SAV1: variants seen among roughly 807,000 people sequenced by gnomAD.
SAV1 encodes the protein protein salvador homolog 1.
A neutral mutation model predicts 47.3 loss-of-function variants in SAV1; 23 were observed. The ratio of observed to expected loss-of-function variants is 0.49; its 90% CI spans 0.35 to 0.69. SAV1 has a LOEUF of 0.69. Among genes scored for constraint, SAV1 ranks in the 30% least tolerant of loss-of-function variants. SAV1 has a pLI of 0.01. For synonymous variants in SAV1, 155 were observed against 159.2 expected (o/e 0.97, Z 0.20); for missense variants, 448 against 457.4 (o/e 0.98, Z 0.19).
At chr14:50,639,255 G>A (rs1467982842) in intron 4 of SAV1, among the ~76,000 whole-genome samples, 2 of 150,384 alleles carry the variant, frequency 1.3e-5, no homozygotes, top group Non-Finnish European at 2.9e-5. Context: ...TGAGAGATAG[G>A]ATTAAAGAAT....
chr14:50,665,313 T>A lies in SAV1; in HGVS notation c.401A>T (p.Tyr134Phe). Reference protein sequence around the residue: ...VENGDSGSRYYYSDNFFDGQR... With the variant: ...VENGDSGSRYFYSDNFFDGQR... ...ACCATCAAAAAAATTGTCTGAATAATAATATCGGGAACCAGAGTCTCCATT... is the reference window on the plus strand; with the variant it reads ...ACCATCAAAAAAATTGTCTGAATAAAAATATCGGGAACCAGAGTCTCCATT... Residue 134 changes from tyrosine (Y) to phenylalanine (F), a missense_variant, in exon 2 of 5, where the codon TAT becomes TTT. Physicochemically the swap from Tyr to Phe is conservative, Grantham distance 22. Coordinates refer to ENST00000324679, the MANE Select transcript of SAV1 (RefSeq NM_021818.4). 1 of 1,613,852 alleles carries A rather than the reference T, an allele frequency of 6.2e-7. No individual in the cohort carries two copies. The highest frequency in any genetic ancestry group is 8.5e-7 in the Non-Finnish European group (1 of 1,179,800).
intron 2 of SAV1, among the ~76,000 whole-genome samples, chr14:50,659,595 T>C (rs529407797): frequency 1.8e-4 from 28 of 152,352 alleles, no homozygotes; most frequent in African/African-American, 6.5e-4. Context: ...ATGCCTGTAA[T>C]CCCAGCACTT....
At chr14:50,650,321 A>C (rs954917311) in intron 2 of SAV1, among the ~76,000 whole-genome samples, 5 of 152,246 alleles carry the variant, frequency 3.3e-5, no homozygotes, top group African/African-American at 9.6e-5. Context: ...ACAGAGTACT[A>C]TATTATATAG....
chr14:50,665,298 A>G lies in SAV1; in HGVS notation c.416T>C (p.Phe139Ser), dbSNP rs1210928988. The change falls in exon 2 of 5, where the codon TTT becomes TCT. Residue 139 changes from phenylalanine (F) to serine (S), a missense_variant. Coordinates refer to ENST00000324679, the MANE Select transcript of SAV1 (RefSeq NM_021818.4). ...TGGCCGCTTTCTCTGACCATCAAAA[A>G]AATTGTCTGAATAATAATATCGGGA... is the stretch of plus-strand genomic sequence containing the variant. ...SGSRYYYSDN[F>S]FDGQRKRPLG... 1 of 1,613,898 alleles carries G rather than the reference A, an allele frequency of 6.2e-7. No individual in the cohort carries two copies. Among genetic ancestry groups the G allele is most frequent in the Non-Finnish European group, 8.5e-7 (1 of 1,179,812 alleles).
intron 2 of SAV1, among the ~76,000 whole-genome samples, chr14:50,648,686 G>C (rs2039742721): frequency 6.6e-6 from 1 of 152,098 alleles, no homozygotes; most frequent in Admixed American, 6.5e-5. Flanking sequence ...GCTGAGACAG[G>C]AGAATGGCGT....
Position 50,654,961 on chromosome 14 carries a change from AC to A in SAV1, c.536-9948del, listed in dbSNP as rs2039800161. ...AAACAGATGCAAGAACAAGTAGATC[AC>A]CCTTGTTCGGTACCCTTTCAAAAGA... On this transcript the variant is annotated intron_variant, in intron 2 of 4. Coordinates refer to ENST00000324679, the MANE Select transcript of SAV1 (RefSeq NM_021818.4). Among the ~76,000 whole-genome samples, 3 of 151,784 alleles carry A rather than the reference AC, an allele frequency of 2.0e-5. No individual in the cohort carries two copies. The Admixed American group carries it at 2.0e-4, about 10-fold the overall frequency.
chr14:50,655,326 G>A (rs1434428680), intron 2 of SAV1, among the ~76,000 whole-genome samples: 1 of 151,820 alleles, frequency 6.6e-6, no homozygotes, highest in African/African-American at 2.4e-5. Flanking sequence ...ATTTATATGA[G>A]TTACTTATAA....
intron 2 of SAV1, among the ~76,000 whole-genome samples, chr14:50,661,421 T>C (rs2039859141): frequency 6.6e-6 from 1 of 152,270 alleles, no homozygotes; most frequent in Non-Finnish European, 1.5e-5. Flanking sequence ...TGTTGTTTCC[T>C]TTACTGTGCA....
intron 2 of SAV1, among the ~76,000 whole-genome samples, chr14:50,650,638 T>C (rs1463745655): frequency 6.6e-6 from 1 of 152,184 alleles, no homozygotes; most frequent in African/African-American, 2.4e-5. Flanking sequence ...GGAAACCAGA[T>C]ACCATATCAT....
At chr14:50,648,335 G>A (rs1298801242) in intron 2 of SAV1, among the ~76,000 whole-genome samples, 3 of 152,184 alleles carry the variant, frequency 2.0e-5, no homozygotes, top group Non-Finnish European at 1.5e-5. Context: ...ATTTTAGAGG[G>A]TGTTTGAAAT....
At chr14:50,657,007 A>C (rs1646381749) in intron 2 of SAV1, among the ~76,000 whole-genome samples, 1 of 150,554 alleles carries the variant, frequency 6.6e-6, no homozygotes, top group South Asian at 2.1e-4. Flanking sequence ...GGAAAAGCAC[A>C]GAACACAAAA....
chr14:50,649,447 T>C (rs779534577), intron 2 of SAV1, among the ~76,000 whole-genome samples: 3 of 152,162 alleles, frequency 2.0e-5, no homozygotes, highest in Non-Finnish European at 2.9e-5. Flanking sequence ...ATAAAGACAG[T>C]GTAGTATTAG....
At chr14:50,654,127 A>G (rs1477077213) in intron 2 of SAV1, among the ~76,000 whole-genome samples, 1 of 152,152 alleles carries the variant, frequency 6.6e-6, no homozygotes, top group Non-Finnish European at 1.5e-5. Context: ...AAAAACAACA[A>G]TGAAGTTTGC....
At chr14:50,642,421 G>A (rs564892972) in intron 3 of SAV1, among the ~76,000 whole-genome samples, 1 of 151,440 alleles carries the variant, frequency 6.6e-6, no homozygotes, top group South Asian at 2.1e-4. Flanking sequence ...CCTGGGAGGC[G>A]AAGGTTGAGG....
intron 4 of SAV1, among the ~76,000 whole-genome samples, 198 bp from the exon 5 acceptor site, chr14:50,635,582 G>A (rs1169018524): frequency 6.6e-6 from 1 of 152,136 alleles, no homozygotes. Flanking sequence ...GGGAGGCTGA[G>A]GTGGGAGGAC....
intron 4 of SAV1, among the ~76,000 whole-genome samples, chr14:50,640,457 T>C (rs1338793039): frequency 1.3e-5 from 2 of 152,166 alleles, no homozygotes; most frequent in Admixed American, 1.3e-4. Context: ...GTATCACTTA[T>C]TTACAAATTA....
chr14:50,646,241 A>C (rs972049399), intron 2 of SAV1, among the ~76,000 whole-genome samples: 1 of 152,174 alleles, frequency 6.6e-6, no homozygotes, highest in Non-Finnish European at 1.5e-5. Flanking sequence ...AAATTGAACA[A>C]TTATTATAAT....
chr14:50,656,021 G>A (rs137932577), intron 2 of SAV1, among the ~76,000 whole-genome samples: 6,671 of 152,146 alleles, frequency 0.044, 144 homozygotes, highest in Middle Eastern at 0.051. Context: ...CTCCAGCCTG[G>A]GCAACAAAAG....
chr14:50,639,792 C>T (rs1042501721), intron 4 of SAV1, among the ~76,000 whole-genome samples: 3 of 152,034 alleles, frequency 2.0e-5, no homozygotes, highest in African/African-American at 7.2e-5. Context: ...CCATATCCAC[C>T]CCCAGAAATA....
Sources: gnomAD v4.1 joint callset for allele counts (sites outside exome capture counted in the v4.1 genomes callset) on GRCh38, gnomAD v4.1.1 for gene constraint, MANE v1.5 for transcripts, NCBI Gene and HGNC (gene_info 2026-07-23, HGNC 2026-07-21) for gene names.